Variants in HMCN2 observed in about 807,000 individuals in gnomAD.
The protein encoded by HMCN2 is hemicentin-2.
HMCN2 carries 325 observed loss-of-function variants against 377.5 expected under a neutral mutation model. That is an observed-to-expected ratio of 0.86 (90% confidence interval 0.79 to 0.94). HMCN2 has a LOEUF of 0.94. Ranked by LOEUF, HMCN2 falls within the 40% of genes least tolerant of loss-of-function variation. HMCN2 has a pLI of 0.00. For missense variants in HMCN2, 4,543 were observed against 4,725.3 expected (o/e 0.96, Z 1.13); for synonymous variants, 2,007 against 2,046.8 (o/e 0.98, Z 0.53).
At chr9:130,383,405 C>T in intron 56 of HMCN2, 99 bp from the exon 57 acceptor site, 4 of 456,018 alleles carry the variant, frequency 8.8e-6, no homozygotes, top group Non-Finnish European at 1.2e-5. Flanking sequence ...GCCTGCTTCC[C>T]TGGCATGGGA....
At chr9:130,266,283 C>T (rs1554918991) in intron 1 of HMCN2, 146 bp downstream of exon 1, 3 of 355,568 alleles carry the variant, frequency 8.4e-6, no homozygotes, top group Non-Finnish European at 1.6e-5. Context: ...ATCCGCGCTG[C>T]GGGTACCCTG....
intron 15 of HMCN2, among the ~76,000 whole-genome samples, chr9:130,310,364 T>G (rs1554938682): frequency 1.3e-5 from 2 of 152,198 alleles, no homozygotes; most frequent in Non-Finnish European, 2.9e-5. Flanking sequence ...CATCCTGAGA[T>G]TGAAATCAAT....
chr9:130,403,510 T>C (rs1314923829), intron 79 of HMCN2, among the ~76,000 whole-genome samples, 182 bp downstream of exon 79: 1 of 152,138 alleles, frequency 6.6e-6, no homozygotes, highest in Non-Finnish European at 1.5e-5. Flanking sequence ...ACCCTTCTCC[T>C]GTCACCATGG....
rs529751234 is a variant in HMCN2 at position 130,267,384 on chromosome 9, G to A, written c.259+1247G>A. On this transcript the variant is annotated intron_variant, in intron 1 of 97. Transcript: ENST00000683500. ...TCTCTATCATTCACCCCTCTGTCAA[G>A]GATAGCTTTATAAAGCAACAAACAA... is the stretch of plus-strand genomic sequence containing the variant. 2.1e-5 allele frequency among the ~76,000 whole-genome samples: 3 copies of A among 141,982 alleles called. 1 individual carries two copies. The highest frequency in any genetic ancestry group is 7.9e-5 in the African/African-American group (3 of 37,864). The allele number at this position is 141,982 out of a possible 152,430, so 93.1% of individuals were successfully genotyped here.
intron 7 of HMCN2, among the ~76,000 whole-genome samples, chr9:130,298,627 G>A (rs1836300057): frequency 6.6e-6 from 1 of 152,170 alleles, no homozygotes; most frequent in South Asian, 2.1e-4. Context: ...AACACGGGGA[G>A]AGTCTGGTCA....
rs539636171 is a variant in HMCN2 at position 130,429,773 on chromosome 9, C to T, written c.14326+88C>T. 32 of 1,446,258 alleles carry T rather than the reference C, an allele frequency of 2.2e-5. No individual in the cohort carries two copies. In the African/African-American group the frequency reaches 2.6e-4, roughly 12 times the overall value. 89.6% of individuals were successfully genotyped at this position (1,446,258 alleles called of 1,614,324 possible). ...GGCCCCAGCCTGCCCTGCCTAGTTA[C>T]GGGGACACCCACCCTCTGGCCAGCA... On this transcript the variant is annotated intron_variant, in intron 94 of 97. Transcript: ENST00000683500.
intron 46 of HMCN2, among the ~76,000 whole-genome samples, chr9:130,371,841 C>T (rs1841037767): frequency 6.6e-6 from 1 of 152,182 alleles, no homozygotes; most frequent in African/African-American, 2.4e-5. Flanking sequence ...TGTCCTGTGT[C>T]CTATGTATCT....
At chr9:130,292,792 C>G (rs4617261) in intron 4 of HMCN2, among the ~76,000 whole-genome samples, 18,326 of 152,122 alleles carry the variant, frequency 0.12, 1,210 homozygotes, top group Middle Eastern at 0.15. Context: ...TATGGAATAA[C>G]CCATCATCCC....
chr9:130,309,515 A>C (rs1430061546), intron 14 of HMCN2, among the ~76,000 whole-genome samples: 2 of 43,272 alleles, frequency 4.6e-5, no homozygotes, highest in Non-Finnish European at 9.0e-5. Flanking sequence ...ACTCTGTCTC[A>C]AAAAAAAAAA....
intron 85 of HMCN2, among the ~76,000 whole-genome samples, chr9:130,412,488 G>T (rs1274974670): frequency 6.6e-6 from 1 of 151,328 alleles, no homozygotes; most frequent in Non-Finnish European, 1.5e-5. Flanking sequence ...TTTGAATCAT[G>T]TATTTGGGGT....
rs775188542 is a variant in HMCN2 at position 130,425,923 on chromosome 9, G to A, written c.13878G>A (p.Ala4626=). The A allele has an allele frequency of 1.6e-5, 24 of 1,545,432 alleles. No homozygotes were observed. The highest frequency in any genetic ancestry group is 1.1e-4 in the South Asian group (9 of 83,880). Residue 4626 remains alanine (A), a splice_region_variant and synonymous_variant, in exon 90 of 98, where the codon GCG becomes GCA. Transcript: ENST00000683500. ...LRFQLATALQ[A]EENEVGCPEG... ...TCCAGCTCGCTACAGCCCTGCAGGC[G>A]GGTGAGGCCCCTCTGCTTTGTTCCA...
chr9:130,332,651 C>T (rs888283978), intron 22 of HMCN2, among the ~76,000 whole-genome samples: 141 of 152,382 alleles, frequency 9.3e-4, no homozygotes, highest in African/African-American at 3.2e-3. Flanking sequence ...GTCTCAGGCA[C>T]CTCCTCCTGA....
chr9:130,297,385 G>A (rs538373417), intron 7 of HMCN2, among the ~76,000 whole-genome samples: 7 of 152,336 alleles, frequency 4.6e-5, no homozygotes, highest in South Asian at 2.1e-4. Flanking sequence ...CTGCATGCCC[G>A]CTATGGTTCT....
chr9:130,324,576 GT>G (rs1368495342), intron 19 of HMCN2, among the ~76,000 whole-genome samples: 42 of 151,880 alleles, frequency 2.8e-4, no homozygotes, highest in Non-Finnish European at 5.0e-4. Context: ...GTGTTTATTT[GT>G]TTTATTTTTT....
chr9:130,410,217 T>C (rs58633657), intron 84 of HMCN2, among the ~76,000 whole-genome samples: 3,115 of 152,328 alleles, frequency 0.02, 124 homozygotes, highest in African/African-American at 0.07. Context: ...TGGAACCCTG[T>C]TCTCCAAGGA....
chr9:130,402,693 A>G, intron 77 of HMCN2, 96 bp from the exon 78 acceptor site: 2 of 659,404 alleles, frequency 3.0e-6, no homozygotes, highest in Non-Finnish European at 2.3e-6. Context: ...AGGCAGGTTG[A>G]GTGACCAGAG....
intron 23 of HMCN2, among the ~76,000 whole-genome samples, chr9:130,340,465 CT>C (rs1463627750): frequency 6.6e-6 from 1 of 152,130 alleles, no homozygotes; most frequent in African/African-American, 2.4e-5. Context: ...AAGTCGACCC[CT>C]CTGCCTTGCC....
chr9:130,317,276 G>A (rs2131388885), intron 15 of HMCN2, among the ~76,000 whole-genome samples: 1 of 152,288 alleles, frequency 6.6e-6, no homozygotes, highest in African/African-American at 2.4e-5. Context: ...TCATCTGTGA[G>A]ATGGGGATTG....
chr9:130,396,716 C>T (rs1842624893), intron 73 of HMCN2, among the ~76,000 whole-genome samples: 1 of 152,190 alleles, frequency 6.6e-6, no homozygotes. Flanking sequence ...CTGTGAATCC[C>T]AACTCTAAAT....
Sources: gnomAD v4.1 joint callset for allele counts (sites outside exome capture counted in the v4.1 genomes callset) on GRCh38, gnomAD v4.1.1 for gene constraint, MANE v1.5 for transcripts, NCBI Gene and HGNC (gene_info 2026-07-23, HGNC 2026-07-21) for gene names.